The following MLH3 variants were observed in gnomAD, a reference collection of about 807,000 sequenced individuals.
The protein encoded by MLH3 is DNA mismatch repair protein Mlh3.
Under a neutral mutation model 122.2 loss-of-function variants are expected in MLH3, and 82 were observed. That is an observed-to-expected ratio of 0.67 (90% CI 0.56 to 0.81). The LOEUF (loss-of-function observed/expected upper bound fraction) is 0.81, where lower values mean the gene tolerates loss of function less well. Among genes scored for constraint, MLH3 ranks in the 30% least tolerant of loss-of-function variants. The pLI, the probability that MLH3 is intolerant of heterozygous loss-of-function variation, is 0.00. For synonymous variants in MLH3, 524 were observed against 599.5 expected (o/e 0.87, Z 1.84); for missense variants, 1,539 against 1,714.5 (o/e 0.90, Z 1.81).
intron 12 of MLH3, among the ~76,000 whole-genome samples, chr14:75,018,358 C>G (rs1204828756): frequency 2.0e-5 from 3 of 152,198 alleles, no homozygotes; most frequent in African/African-American, 4.8e-5. Context: ...GCTTGGGTCC[C>G]TGTCTGATGA....
rs1890077843 is a variant in MLH3 at position 75,018,882 on chromosome 14, T to C, written c.4189A>G (p.Arg1397Gly). The change falls in exon 12 of 13, where the codon AGA (arginine) becomes GGA (glycine). Residue 1397 changes from arginine (R) to glycine (G), a missense_variant. Arg to Gly is a moderately radical substitution (Grantham distance 125). Transcript: ENST00000355774. The part of the protein sequence containing the change: ...CQLPFQCAHG[R>G]PSMLPLADID... ...TCAGCTAACGGCAGCATAGAAGGTC[T>C]CCCGTGAGCACACTGGAATGGCAGC... 1 of 1,614,038 alleles carries C rather than the reference T, an allele frequency of 6.2e-7. No homozygotes were observed. The highest frequency in any genetic ancestry group is 1.3e-5 in the African/African-American group (1 of 74,904).
At chr14:75,022,733 C>T in intron 11 of MLH3, 81 bp downstream of exon 11, 2 of 1,154,060 alleles carry the variant, frequency 1.7e-6, no homozygotes, top group Admixed American at 3.4e-5. Flanking sequence ...AATGTACCCT[C>T]TGCCTCTTTT....
intron 2 of MLH3, among the ~76,000 whole-genome samples, chr14:75,044,399 C>T (rs751856294): frequency 2.1e-4 from 32 of 152,256 alleles, no homozygotes; most frequent in Middle Eastern, 6.8e-3. Context: ...AAGATTTCCC[C>T]CTTTCTTTTA....
chr14:75,036,794 C>T (rs867393746), intron 6 of MLH3: 2 of 456,082 alleles, frequency 4.4e-6, no homozygotes, highest in South Asian at 3.1e-5. Flanking sequence ...TCCCCATATC[C>T]AATCCATCAC....
intron 2 of MLH3, among the ~76,000 whole-genome samples, chr14:75,044,240 C>A (rs1302966632): frequency 2.6e-5 from 4 of 152,040 alleles, no homozygotes; most frequent in African/African-American, 9.7e-5. Context: ...TCTTTCTATA[C>A]CAAAAATATT....
chr14:75,021,687 G>A (rs1195399754), intron 11 of MLH3, among the ~76,000 whole-genome samples: 1 of 152,200 alleles, frequency 6.6e-6, no homozygotes, highest in Non-Finnish European at 1.5e-5. Context: ...ACAGATGCTG[G>A]TGAGGCTGCA....
Position 75,033,510 on chromosome 14 carries a change from G to A in MLH3, c.3644-20C>T, listed in dbSNP as rs1313987553. 19 of 1,604,364 alleles carry A rather than the reference G, an allele frequency of 1.2e-5. No homozygotes were observed. The highest frequency in any genetic ancestry group is 1.5e-5 in the Non-Finnish European group (18 of 1,171,334). On this transcript the variant is annotated intron_variant, in intron 6 of 12. Coordinates refer to ENST00000355774, the MANE Select transcript of MLH3 (RefSeq NM_001040108.2). ...TCCCACCTAGATGAGCAAGGATTGT[G>A]AACTTTGATTCTCAGAGCAAGACGA...
At position 75,047,405 on chromosome 14, in the gene MLH3, G is replaced by T; in HGVS notation, c.2251C>A (p.Leu751Ile). 6.2e-7 allele frequency: 1 copy of T among 1,613,950 alleles called. No individual in the cohort carries two copies. The highest frequency in any genetic ancestry group is 2.2e-5 in the East Asian group (1 of 44,868). ...VRKKLSLSSQ[L>I]GSLEKFKRQY... is the part of the protein sequence containing the mutation. ...CTCTTAAACTTCTCTAAAGATCCTA[G>T]CTGTGAACTCAAGCTTAGCTTCTTA... The change falls in exon 2 of 13, where the codon CTA becomes ATA. Residue 751 changes from leucine (L) to isoleucine (I), a missense_variant. By Grantham distance (5) the Leu-to-Ile change is conservative. Transcript: ENST00000355774.
chr14:75,044,543 T>A (rs1017134304), intron 2 of MLH3, among the ~76,000 whole-genome samples: 3 of 152,184 alleles, frequency 2.0e-5, no homozygotes, highest in African/African-American at 7.2e-5. Context: ...AGTCAGGACA[T>A]AAAACCACAT....
At chr14:75,037,002 T>G (rs1029408684) in intron 6 of MLH3, among the ~76,000 whole-genome samples, 1 of 151,886 alleles carries the variant, frequency 6.6e-6, no homozygotes, top group Admixed American at 6.6e-5. Context: ...AATGCAAATG[T>G]GATGTGACAT....
In MLH3 at chr14:75,048,006, T is replaced by C. The variant is rs1467256402; in HGVS notation, c.1650A>G (p.Gln550=). ...CAGTAGCATCTTTAAATCTCTTTGG[T>C]TGATTCTGAATTCTATTATTTTTCA... ...NILKNNRIQN[Q]PKRFKDATEV... Residue 550 remains glutamine, a synonymous_variant, in exon 2 of 13, where the codon CAA becomes CAG. Transcript: ENST00000355774. 1 of 1,613,700 alleles carries C rather than the reference T, an allele frequency of 6.2e-7. No homozygotes were observed. Among genetic ancestry groups the C allele is most frequent in the Non-Finnish European group, 8.5e-7 (1 of 1,179,948 alleles).
chr14:75,046,099 G>A (rs1416154478), intron 2 of MLH3, among the ~76,000 whole-genome samples: 25 of 149,824 alleles, frequency 1.7e-4, no homozygotes. Flanking sequence ...AGAATCGCTT[G>A]AACCAGGGGG....
chr14:75,050,098 A>G (rs1385386737), intron 1 of MLH3, among the ~76,000 whole-genome samples: 1 of 152,262 alleles, frequency 6.6e-6, no homozygotes, highest in African/African-American at 2.4e-5. Flanking sequence ...AAAAATGTCC[A>G]AGCTAGTTTC....
In MLH3 at chr14:75,049,331, T is replaced by C. The variant is rs1162492250; in HGVS notation, c.325A>G (p.Ile109Val). ...NIADMASAVE[I>V]SSKKNRTMKT... ...ATTGTCCTGTTTTTCTTGGACGAAA[T>C]TTCCACAGCACTGGCCATGTCAGCA... Residue 109 changes from isoleucine to valine, a missense_variant, in exon 2 of 13, where the codon ATT (isoleucine) becomes GTT (valine). By Grantham distance (29) the Ile-to-Val change is conservative. Coordinates refer to ENST00000355774, the MANE Select transcript of MLH3 (RefSeq NM_001040108.2). 5.0e-6 allele frequency: 8 copies of C among 1,614,068 alleles called. No individual in the cohort carries two copies. Among genetic ancestry groups the C allele is most frequent in the Non-Finnish European group, 6.8e-6 (8 of 1,180,054 alleles).
chr14:75,024,436 G>C (rs1213363235), intron 9 of MLH3, among the ~76,000 whole-genome samples: 1 of 152,110 alleles, frequency 6.6e-6, no homozygotes, highest in Non-Finnish European at 1.5e-5. Context: ...CCCGACCTCA[G>C]ATGATCCGCC....
chr14:75,015,506 A>G lies in MLH3; in HGVS notation c.*1576T>C, dbSNP rs1889839092. On this transcript the variant is annotated 3_prime_UTR_variant, in exon 13 of 13. Coordinates refer to ENST00000355774, the MANE Select transcript of MLH3 (RefSeq NM_001040108.2). Reference sequence around the variant, plus strand: ...ACAGTTGGCCTCCATGCAGCCCTCAAGCAGGGAGGCGGAGGCCCTGAGGCC... The same window carrying G: ...ACAGTTGGCCTCCATGCAGCCCTCAGGCAGGGAGGCGGAGGCCCTGAGGCC... 5.5e-6 allele frequency: 1 copy of G among 183,140 alleles called. No homozygotes were observed. The highest frequency in any genetic ancestry group is 1.2e-5 in the Non-Finnish European group (1 of 86,186). The allele number at this position is 183,140 out of a possible 1,614,324, so 11.3% of individuals were successfully genotyped here. A position where few individuals can be genotyped will look rare whatever the true frequency, so the allele number is the denominator to read the frequency against.
At chr14:75,038,986 T>C (rs898805107) in intron 5 of MLH3, among the ~76,000 whole-genome samples, 1 of 151,702 alleles carries the variant, frequency 6.6e-6, no homozygotes, top group Non-Finnish European at 1.5e-5. Context: ...GCCTCCCGAG[T>C]AGCTGGGAGT....
At chr14:75,034,925 T>C (rs1891291336) in intron 6 of MLH3, among the ~76,000 whole-genome samples, 1 of 151,338 alleles carries the variant, frequency 6.6e-6, no homozygotes, top group African/African-American at 2.4e-5. Context: ...TAGCCGGGCG[T>C]GGTGGCAGGT....
chr14:75,039,882 T>C (rs1566594632), intron 5 of MLH3, 29 bp downstream of exon 5: 18 of 604,658 alleles, frequency 3.0e-5, no homozygotes, highest in Non-Finnish European at 2.9e-6. Flanking sequence ...TATATATATA[T>C]TTATGAGATT....
Sources: allele counts gnomAD v4.1 joint callset (sites outside exome capture counted in the v4.1 genomes callset), GRCh38; gene constraint gnomAD v4.1.1; transcripts MANE v1.5; gene names NCBI Gene and HGNC (gene_info 2026-07-23, HGNC 2026-07-21).